GPD2: variants seen among roughly 807,000 people sequenced by gnomAD.
GPD2 encodes the protein glycerol-3-phosphate dehydrogenase 2.
Under a neutral mutation model 82.4 loss-of-function variants are expected in GPD2, and 54 were observed. The observed-to-expected ratio is 0.66, with a 90% confidence interval of 0.53 to 0.82. The LOEUF (loss-of-function observed/expected upper bound fraction) is 0.82, where lower values mean the gene tolerates loss of function less well. Among genes scored for constraint, GPD2 ranks in the 40% least tolerant of loss-of-function variants. The pLI is 0.00. For missense variants in GPD2, 748 were observed against 896.2 expected, an observed-to-expected ratio of 0.83 and a Z score of 2.11; for synonymous variants, 288 against 306.1, an observed-to-expected ratio of 0.94 and a Z score of 0.62.
chr2:156,513,141 C>G (rs1211342149), intron 5 of GPD2, among the ~76,000 whole-genome samples, 192 bp from the exon 6 acceptor site: 1 of 152,160 alleles, frequency 6.6e-6, no homozygotes, highest in African/African-American at 2.4e-5. Flanking sequence ...CATTTAAAAT[C>G]TCATTGATTT....
chr2:156,404,189 G>A, the GPD2 span, among the ~76,000 whole-genome samples: 1 of 151,828 alleles, frequency 6.6e-6, no homozygotes, highest in South Asian at 2.1e-4. Flanking sequence ...GCAACATAGT[G>A]AGACCTTGTC....
At position 156,578,998 on chromosome 2, in the gene GPD2, A is replaced by G. The variant is rs1179490127; in HGVS notation, c.1877A>G (p.Asp626Gly). ...SEISLLPSDIDRYKKRFHKFD... is the reference protein window; with the variant it reads ...SEISLLPSDIGRYKKRFHKFD... ...ATTAGCCTACTGCCTTCAGACATTG[A>G]CAGGTACTTATAATAAGTGTCTATC... is the stretch of plus-strand genomic sequence containing the variant. Residue 626 changes from aspartate to glycine, a missense_variant, in exon 14 of 17, where the codon GAC becomes GGC. Physicochemically the swap from Asp to Gly is moderately conservative, Grantham distance 94. Around this residue, in one of 3 missense-constraint regions of GPD2, gnomAD observed 692 missense variants for 809.7 expected, o/e 0.85. Coordinates refer to ENST00000438166, the MANE Select transcript of GPD2 (RefSeq NM_000408.5). The G allele has an allele frequency of 6.3e-7, 1 of 1,587,836 alleles. No homozygotes were observed. The highest frequency in any genetic ancestry group is 1.7e-5 in the Admixed American group (1 of 59,992).
intron 1 of GPD2, among the ~76,000 whole-genome samples, chr2:156,475,656 C>T (rs1196299375): frequency 1.3e-5 from 2 of 152,176 alleles, no homozygotes; most frequent in African/African-American, 2.4e-5. Context: ...TGCCAAAGAA[C>T]CTGAAGCAAG....
intron 1 of GPD2, among the ~76,000 whole-genome samples, chr2:156,459,267 G>A (rs573494542): frequency 2.2e-4 from 33 of 152,206 alleles, no homozygotes; most frequent in African/African-American, 2.4e-4. Flanking sequence ...GTGGGTTAAG[G>A]GGATGTTGAT....
intron 6 of GPD2, among the ~76,000 whole-genome samples, chr2:156,534,681 T>G (rs1685995988): frequency 6.6e-6 from 1 of 152,232 alleles, no homozygotes; most frequent in Admixed American, 6.5e-5. Flanking sequence ...GATAGTATTC[T>G]CAGTTGTTTT....
intron 6 of GPD2, among the ~76,000 whole-genome samples, chr2:156,537,777 T>G (rs1362141251): frequency 1.3e-5 from 2 of 152,218 alleles, no homozygotes; most frequent in Non-Finnish European, 2.9e-5. Context: ...AGAAATGAGA[T>G]TAGAGCCTAT....
At chr2:156,484,346 A>G (rs1683853256) in intron 2 of GPD2, among the ~76,000 whole-genome samples, 1 of 151,936 alleles carries the variant, frequency 6.6e-6, no homozygotes, top group African/African-American at 2.4e-5. Context: ...CATGTTGGCC[A>G]GGCTGGTCTT....
At chr2:156,507,070 A>G (rs1170010249) in intron 3 of GPD2, among the ~76,000 whole-genome samples, 2 of 151,730 alleles carry the variant, frequency 1.3e-5, no homozygotes, top group Non-Finnish European at 2.9e-5. Context: ...CTGGAGTGCA[A>G]TGGCACGATC....
Position 156,568,723 on chromosome 2 carries a change from C to G in GPD2, c.1166-102C>G, listed in dbSNP as rs541002892. On this transcript the variant is annotated intron_variant, in intron 9 of 16. Coordinates refer to ENST00000438166, the MANE Select transcript of GPD2 (RefSeq NM_000408.5). Reference sequence around the variant, plus strand: ...CTTTCTCTCCTTTTTAAAGTGCACACATGTGTATTCCTGTCACCGAACTCT... The same window carrying G: ...CTTTCTCTCCTTTTTAAAGTGCACAGATGTGTATTCCTGTCACCGAACTCT... The G allele has an allele frequency of 2.7e-5, 26 of 966,796 alleles. No individual in the cohort carries two copies. In the South Asian group the frequency reaches 3.3e-4, roughly 12 times the overall value. 59.9% of individuals were successfully genotyped at this position (966,796 alleles called of 1,614,324 possible). A position where few individuals can be genotyped will look rare whatever the true frequency, so the allele number is the denominator to read the frequency against.
intron 6 of GPD2, among the ~76,000 whole-genome samples, chr2:156,534,861 A>G (rs1686003538): frequency 6.6e-6 from 1 of 152,124 alleles, no homozygotes; most frequent in Non-Finnish European, 1.5e-5. Context: ...CCATTGATTT[A>G]TGGTTGCCTG....
intron 2 of GPD2, among the ~76,000 whole-genome samples, chr2:156,492,662 C>G (rs1684225206): frequency 6.6e-6 from 1 of 151,846 alleles, no homozygotes; most frequent in African/African-American, 2.4e-5. Flanking sequence ...GGGAGAATAT[C>G]ATGTTAGTAT....
chr2:156,434,466 A>C (rs1198528509), upstream of GPD2, among the ~76,000 whole-genome samples: 2 of 151,408 alleles, frequency 1.3e-5, no homozygotes, highest in Non-Finnish European at 2.9e-5. Flanking sequence ...AATAATTTAC[A>C]TAAAAAAACA....
intron 3 of GPD2, among the ~76,000 whole-genome samples, chr2:156,502,225 T>C (rs1381129392): frequency 2.6e-5 from 4 of 152,106 alleles, no homozygotes; most frequent in African/African-American, 9.7e-5. Flanking sequence ...AGCAGGTATA[T>C]GTAAATTTTT....
chr2:156,500,801 A>T (rs950495986), intron 3 of GPD2, among the ~76,000 whole-genome samples: 1 of 152,268 alleles, frequency 6.6e-6, no homozygotes, highest in African/African-American at 2.4e-5. Context: ...TATCATCTGC[A>T]TTTTCTTGGG....
At chr2:156,524,927 C>T (rs1020432160) in intron 6 of GPD2, among the ~76,000 whole-genome samples, 1 of 152,020 alleles carries the variant, frequency 6.6e-6, no homozygotes, top group African/African-American at 2.4e-5. Context: ...ATAATTACAG[C>T]ATTTCATTAG....
intron 1 of GPD2, among the ~76,000 whole-genome samples, chr2:156,449,554 A>G (rs1229029349): frequency 6.6e-6 from 1 of 152,226 alleles, no homozygotes; most frequent in Non-Finnish European, 1.5e-5. Flanking sequence ...TTCACCTGCC[A>G]AGAAGCAACT....
chr2:156,572,654 A>G (rs939357457), intron 13 of GPD2, among the ~76,000 whole-genome samples: 4 of 152,198 alleles, frequency 2.6e-5, no homozygotes, highest in Non-Finnish European at 5.9e-5. Flanking sequence ...CAGATGATGA[A>G]AACAGTCCAA....
At chr2:156,464,614 TATGTGTAGTG>T (rs1302481810) in intron 1 of GPD2, among the ~76,000 whole-genome samples, 1 of 152,174 alleles carries the variant, frequency 6.6e-6, no homozygotes, top group Admixed American at 6.5e-5. Flanking sequence ...ACATTAAATA[TATGTGTAGTG>T]ATGTTTATAA....
chr2:156,578,972 A>T lies in GPD2; in HGVS notation c.1851A>T (p.Glu617Asp). 1 of 1,609,226 alleles carries T rather than the reference A, an allele frequency of 6.2e-7. No individual in the cohort carries two copies. The highest frequency in any genetic ancestry group is 8.5e-7 in the Non-Finnish European group (1 of 1,175,666). Residue 617 changes from glutamate (E) to aspartate (D), a missense_variant, in exon 14 of 17, where the codon GAA becomes GAT. Physicochemically the swap from Glu to Asp is conservative, Grantham distance 45 (BLOSUM62 2). Coordinates refer to ENST00000438166, the MANE Select transcript of GPD2 (RefSeq NM_000408.5). The part of the protein sequence containing the change: ...SRSEQLTDRS[E>D]ISLLPSDIDR... ...CAGAACAGTTAACAGATCGCTCTGA[A>T]ATTAGCCTACTGCCTTCAGACATTG...
Sources: allele counts gnomAD v4.1 joint callset (sites outside exome capture counted in the v4.1 genomes callset), GRCh38; gene constraint gnomAD v4.1.1; regional missense constraint gnomAD v4.1.1; transcripts MANE v1.5; gene names NCBI Gene and HGNC (gene_info 2026-07-23, HGNC 2026-07-21).